The following CACNA1C variants were observed in gnomAD, a reference collection of about 807,000 sequenced individuals.
The protein encoded by CACNA1C is voltage-dependent L-type calcium channel subunit alpha-1C.
In CACNA1C, 30 loss-of-function variants were observed where a neutral mutation model predicts 229.0. The ratio of observed to expected loss-of-function variants is 0.13; its 90% CI spans 0.10 to 0.18. The LOEUF is 0.18. Ranked by LOEUF, CACNA1C falls within the 10% of genes least tolerant of loss-of-function variation. The pLI, the probability that CACNA1C is intolerant of heterozygous loss-of-function variation, is 1.00. For missense variants in CACNA1C, 1,658 were observed against 2,845.0 expected (o/e 0.58, Z 9.49); for synonymous variants, 1,114 against 1,132.5 (o/e 0.98, Z 0.33).
intron 3 of CACNA1C, among the ~76,000 whole-genome samples, chr12:2,362,021 C>T (rs369944329): frequency 7.2e-5 from 11 of 152,312 alleles, no homozygotes; most frequent in Non-Finnish European, 1.2e-4. Context: ...ATCTCCACCC[C>T]GCAGGCCATT....
chr12:2,266,107 G>A (rs1271736852), intron 3 of CACNA1C, among the ~76,000 whole-genome samples: 1 of 152,202 alleles, frequency 6.6e-6, no homozygotes. Context: ...GGCAGGATGA[G>A]CAGGCATGTG....
chr12:2,070,006 T>C (rs149645670), intron 1 of CACNA1C, among the ~76,000 whole-genome samples: 3 of 152,288 alleles, frequency 2.0e-5, no homozygotes, highest in East Asian at 1.9e-4. Flanking sequence ...GGTCTCACTG[T>C]CTTTTCCAGG....
intron 3 of CACNA1C, among the ~76,000 whole-genome samples, chr12:2,329,673 G>A (rs1371913200): frequency 1.3e-5 from 2 of 152,216 alleles, no homozygotes; most frequent in African/African-American, 4.8e-5. Flanking sequence ...TTGTGTGGTT[G>A]TGTGATTATG....
intron 43 of CACNA1C, 22 bp downstream of exon 43, chr12:2,682,700 TGAGGCTGACCCAAGTG>T: frequency 6.2e-7 from 1 of 1,603,644 alleles, no homozygotes; most frequent in Non-Finnish European, 8.5e-7. Flanking sequence ...TGCCCTCTGC[TGAGGCTGACCCAAGTG>T]TGGGAACAAA....
chr12:2,000,845 T>C (rs2042029707), intron 1 of CACNA1C, among the ~76,000 whole-genome samples: 1 of 152,180 alleles, frequency 6.6e-6, no homozygotes. Context: ...AAGACCAGCC[T>C]GGCCAACATG....
intron 3 of CACNA1C, among the ~76,000 whole-genome samples, chr12:2,157,477 G>A (rs1199359714): frequency 6.6e-6 from 1 of 152,208 alleles, no homozygotes; most frequent in East Asian, 1.9e-4. Flanking sequence ...GAGACTTCTG[G>A]AGTATCTCCC....
chr12:2,511,152 A>T (rs772959665), intron 8 of CACNA1C, among the ~76,000 whole-genome samples: 23 of 152,358 alleles, frequency 1.5e-4, no homozygotes, highest in Non-Finnish European at 2.6e-4. Flanking sequence ...AAGAAAATTC[A>T]ATCCAAACCA....
Position 1,971,881 on chromosome 12 carries a change from A to C in CACNA1C, c.139+680A>C, listed in dbSNP as rs2032441056. Among the ~76,000 whole-genome samples the C allele has an allele frequency of 6.6e-6, 1 of 152,204 alleles. No homozygotes were observed. The highest frequency in any genetic ancestry group is 6.5e-5 in the Admixed American group (1 of 15,278). On this transcript the variant is annotated intron_variant, in intron 1 of 46. Transcript: ENST00000682462. This position sits in a 1 kb window ranked among gnomAD's most constrained non-coding sequence, Gnocchi z 4.2. ...TTACCCAAATACCATACAACTCCAA[A>C]TCATGAATGATAGCTTGTAATCGTC...
chr12:2,042,273 T>C (rs1431562965), intron 1 of CACNA1C, among the ~76,000 whole-genome samples: 1 of 152,138 alleles, frequency 6.6e-6, no homozygotes, highest in African/African-American at 2.4e-5. Flanking sequence ...CTGATCACGC[T>C]ACCATATTAC....
intron 3 of CACNA1C, among the ~76,000 whole-genome samples, chr12:2,445,740 A>G (rs943889956): frequency 7.9e-5 from 12 of 152,160 alleles, no homozygotes; most frequent in African/African-American, 2.9e-4. Flanking sequence ...CAGCCTGTCA[A>G]TGAGGAAATA....
At chr12:2,525,751 T>C (rs749511219) in intron 9 of CACNA1C, among the ~76,000 whole-genome samples, 40 of 152,220 alleles carry the variant, frequency 2.6e-4, no homozygotes, top group Non-Finnish European at 4.4e-4. Context: ...CTTCACCAAA[T>C]GGAAATACTC....
At chr12:2,172,984 A>G (rs927217463) in intron 3 of CACNA1C, among the ~76,000 whole-genome samples, 4 of 152,116 alleles carry the variant, frequency 2.6e-5, no homozygotes, top group Non-Finnish European at 5.9e-5. Context: ...AATGGCAGGG[A>G]CGTTTGCAGA....
chr12:2,364,197 A>G (rs1218403810), intron 3 of CACNA1C, among the ~76,000 whole-genome samples: 2 of 152,132 alleles, frequency 1.3e-5, no homozygotes, highest in East Asian at 3.8e-4. Flanking sequence ...TTTTTTCTCC[A>G]TTATTGGCAT....
intron 3 of CACNA1C, among the ~76,000 whole-genome samples, chr12:2,168,058 G>T: frequency 6.6e-6 from 1 of 152,218 alleles, no homozygotes. Flanking sequence ...GTCAGTTTGT[G>T]TGTGGGGGGG....
In CACNA1C at chr12:2,070,456, A is replaced by G. The variant is rs1199934672; in HGVS notation, c.49+16845A>G. On this transcript the variant is annotated intron_variant, in intron 1 of 46. Coordinates refer to ENST00000399655, the MANE Select transcript of CACNA1C (RefSeq NM_000719.7). Reference sequence around the variant, plus strand: ...CATATATTTTTTAGTTCTTTCAGCAATGGTCTATGAGTGGTAAACTTCCTC... The same window carrying G: ...CATATATTTTTTAGTTCTTTCAGCAGTGGTCTATGAGTGGTAAACTTCCTC... 7.9e-5 allele frequency among the ~76,000 whole-genome samples: 12 copies of G among 152,174 alleles called. No individual in the cohort carries two copies. The East Asian group carries it at 1.7e-3, about 22-fold the overall frequency.
intron 3 of CACNA1C, among the ~76,000 whole-genome samples, chr12:2,245,349 C>G (rs986486786): frequency 6.6e-6 from 1 of 152,122 alleles, no homozygotes; most frequent in Non-Finnish European, 1.5e-5. Context: ...CTTAGCCACC[C>G]GGGTTTAAAT....
At chr12:2,572,824 TCCCC>T (rs2056691947) in intron 13 of CACNA1C, among the ~76,000 whole-genome samples, 1 of 100,516 alleles carries the variant, frequency 9.9e-6, no homozygotes, top group African/African-American at 3.9e-5. Flanking sequence ...CTCCTCCTCC[TCCCC>T]TCCTCCTTCT....
At chr12:2,476,718 G>A (rs1451548766) in intron 5 of CACNA1C, among the ~76,000 whole-genome samples, 2 of 152,032 alleles carry the variant, frequency 1.3e-5, no homozygotes, top group East Asian at 3.9e-4. Context: ...TAATTTATTG[G>A]GGAACCAGTT....
chr12:2,530,834 A>C (rs529609180), intron 9 of CACNA1C, among the ~76,000 whole-genome samples: 1 of 152,350 alleles, frequency 6.6e-6, no homozygotes, highest in South Asian at 2.1e-4. Context: ...TGAGGAACAC[A>C]TCTGAGAAGC....
Sources: gnomAD v4.1 joint callset for allele counts (sites outside exome capture counted in the v4.1 genomes callset) on GRCh38, gnomAD v4.1.1 for gene constraint, Gnocchi (gnomAD v3.1) non-coding constraint, MANE v1.5 for transcripts, NCBI Gene and HGNC (gene_info 2026-07-23, HGNC 2026-07-21) for gene names.